Variants in CARMIL1 observed in about 807,000 individuals in gnomAD.
CARMIL1 encodes capping protein regulator and myosin 1 linker 1.
CARMIL1 carries 90 observed loss-of-function variants against 177.1 expected under a neutral mutation model. That is an observed-to-expected ratio of 0.51 (90% CI 0.43 to 0.61). CARMIL1 has a LOEUF of 0.61. CARMIL1 is among the 20% of genes least tolerant of loss of function. The probability of loss-of-function intolerance (pLI) is 0.00; values close to 1 mark genes in which losing one functional copy is unlikely to be tolerated. For synonymous variants in CARMIL1, 577 were observed against 606.2 expected, an observed-to-expected ratio of 0.95 and a Z score of 0.71; for missense variants, 1,380 against 1,667.0, an observed-to-expected ratio of 0.83 and a Z score of 3.00.
chr6:25,283,632 G>C (rs73392382), intron 1 of CARMIL1, among the ~76,000 whole-genome samples: 3,730 of 152,234 alleles, frequency 0.025, 129 homozygotes, highest in African/African-American at 0.083. Flanking sequence ...CCACTTCTTG[G>C]GGGTATTGTG....
intron 2 of CARMIL1, among the ~76,000 whole-genome samples, chr6:25,306,350 A>G (rs1783262169): frequency 6.6e-6 from 1 of 152,118 alleles, no homozygotes; most frequent in Non-Finnish European, 1.5e-5. Flanking sequence ...CTCCTGTCAG[A>G]TCAGCGGTGG....
At chr6:25,582,978 T>C (rs1813266397) in intron 31 of CARMIL1, among the ~76,000 whole-genome samples, 1 of 152,158 alleles carries the variant, frequency 6.6e-6, no homozygotes, top group East Asian at 1.9e-4. Flanking sequence ...CCCCAAAATA[T>C]GGCGCCTTGG....
intron 2 of CARMIL1, among the ~76,000 whole-genome samples, chr6:25,307,797 A>T (rs144693581): frequency 1.3e-5 from 2 of 152,260 alleles, no homozygotes; most frequent in African/African-American, 4.8e-5. Flanking sequence ...TTGGGGGACC[A>T]CTCTGCAGGC....
At chr6:25,425,635 T>A (rs967531016) in intron 3 of CARMIL1, among the ~76,000 whole-genome samples, 1 of 152,084 alleles carries the variant, frequency 6.6e-6, no homozygotes, top group Non-Finnish European at 1.5e-5. Flanking sequence ...GAAGAAAGAT[T>A]AGTGGCTGTT....
chr6:25,347,735 G>T (rs1319060663), intron 2 of CARMIL1, among the ~76,000 whole-genome samples: 1 of 152,184 alleles, frequency 6.6e-6, no homozygotes, highest in African/African-American at 2.4e-5. Flanking sequence ...GATTAAAACT[G>T]AGAAATCAAC....
At chr6:25,424,111 C>T (rs1796093632) in intron 3 of CARMIL1, among the ~76,000 whole-genome samples, 1 of 152,156 alleles carries the variant, frequency 6.6e-6, no homozygotes, top group African/African-American at 2.4e-5. Flanking sequence ...TAACCTGGGA[C>T]TTCAACTAAT....
intron 12 of CARMIL1, among the ~76,000 whole-genome samples, chr6:25,484,036 G>T (rs1291741832): frequency 6.6e-6 from 1 of 152,190 alleles, no homozygotes; most frequent in East Asian, 1.9e-4. Flanking sequence ...GGGATTACAT[G>T]CATGAGCTAC....
intron 9 of CARMIL1, 63 bp downstream of exon 9, chr6:25,466,011 T>G (rs1344016611): frequency 1.5e-6 from 2 of 1,313,114 alleles, no homozygotes; most frequent in African/African-American, 2.9e-5. Flanking sequence ...ACCCAATAAT[T>G]GTGGGAAAAA....
chr6:25,365,995 G>T (rs1048756103), intron 2 of CARMIL1, among the ~76,000 whole-genome samples: 1 of 151,874 alleles, frequency 6.6e-6, no homozygotes, highest in Non-Finnish European at 1.5e-5. Flanking sequence ...GTCCATTTAC[G>T]TATGTATGTA....
chr6:25,468,361 C>A (rs1352057920), intron 9 of CARMIL1, among the ~76,000 whole-genome samples: 3 of 151,980 alleles, frequency 2.0e-5, no homozygotes, highest in Non-Finnish European at 4.4e-5. Flanking sequence ...TAGGGAATGA[C>A]ATGCTGGCAC....
chr6:25,344,978 C>G (rs1291231587), intron 2 of CARMIL1, among the ~76,000 whole-genome samples: 1 of 152,178 alleles, frequency 6.6e-6, no homozygotes, highest in Non-Finnish European at 1.5e-5. Context: ...TAGCCAGTTT[C>G]TTTTCTTGCT....
chr6:25,596,970 A>G (rs1034245482), intron 32 of CARMIL1, among the ~76,000 whole-genome samples: 1 of 147,490 alleles, frequency 6.8e-6, no homozygotes, highest in Non-Finnish European at 1.5e-5. Flanking sequence ...TTCTGTTGTT[A>G]TAACAAAATA....
chr6:25,576,361 G>C (rs548940401), intron 29 of CARMIL1, among the ~76,000 whole-genome samples: 2 of 152,268 alleles, frequency 1.3e-5, no homozygotes, highest in Middle Eastern at 6.8e-3. Context: ...ATTACACTGT[G>C]GGTAGGTAAC....
At chr6:25,327,244 C>T (rs1221557771) in intron 2 of CARMIL1, among the ~76,000 whole-genome samples, 1 of 151,928 alleles carries the variant, frequency 6.6e-6, no homozygotes, top group Non-Finnish European at 1.5e-5. Flanking sequence ...TTCACAGGAG[C>T]AAGAGCCAGC....
At chr6:25,472,619 T>A (rs896850489) in intron 11 of CARMIL1, 98 bp downstream of exon 11, 6 of 932,722 alleles carry the variant, frequency 6.4e-6, no homozygotes, top group Non-Finnish European at 8.3e-6. Context: ...AGCTAAGTTG[T>A]AATTATAAGT....
intron 26 of CARMIL1, 46 bp from the exon 27 acceptor site, chr6:25,550,863 CG>C: frequency 2.6e-6 from 4 of 1,534,064 alleles, no homozygotes; most frequent in Non-Finnish European, 3.6e-6. Context: ...GCGGGCACCT[CG>C]GGTGCAGTGT....
At position 25,494,792 on chromosome 6, in the gene CARMIL1, T is replaced by G. The variant is rs1389128986; in HGVS notation, c.1221-319T>G. Among the ~76,000 whole-genome samples the G allele has an allele frequency of 2.6e-5, 4 of 152,226 alleles. No homozygotes were observed. The East Asian group carries it at 7.7e-4, about 29-fold the overall frequency. On this transcript the variant is annotated intron_variant, in intron 15 of 36. Coordinates refer to ENST00000329474, the MANE Select transcript of CARMIL1 (RefSeq NM_017640.6). ...AAAGCCTTTAAATTGGTGAGAAATA[T>G]ACATCTTCTCTGACCTCCTATTTTT... is the stretch of plus-strand genomic sequence containing the variant.
intron 1 of CARMIL1, 136 bp downstream of exon 1, chr6:25,279,971 C>A: frequency 3.9e-6 from 4 of 1,014,254 alleles, no homozygotes; most frequent in South Asian, 3.9e-5. Context: ...TGGGCAGGGT[C>A]ACTGGGGGTG....
At chr6:25,448,400 G>A (rs1798444383) in intron 5 of CARMIL1, among the ~76,000 whole-genome samples, 1 of 152,028 alleles carries the variant, frequency 6.6e-6, no homozygotes, top group Non-Finnish European at 1.5e-5. Flanking sequence ...TGAATTTCTG[G>A]TAAGCATGGG....
Sources: allele counts gnomAD v4.1 joint callset (sites outside exome capture counted in the v4.1 genomes callset), GRCh38; gene constraint gnomAD v4.1.1; transcripts MANE v1.5; gene names NCBI Gene and HGNC (gene_info 2026-07-23, HGNC 2026-07-21).